Variants in ZFP14 observed in about 807,000 individuals in gnomAD.
ZFP14 encodes zinc finger protein 14 homolog.
A neutral mutation model predicts 54.5 loss-of-function variants in ZFP14; 22 were observed. The observed-to-expected ratio is 0.40, with a 90% CI of 0.29 to 0.58. The LOEUF (loss-of-function observed/expected upper bound fraction) is 0.58. ZFP14 is among the 20% of genes least tolerant of loss of function. ZFP14 has a pLI of 0.39. For synonymous variants in ZFP14, 159 were observed against 204.0 expected (o/e 0.78, Z 1.88); for missense variants, 470 against 637.8 (o/e 0.74, Z 2.83).
At chr19:36,370,749 A>G (rs1160283685) in intron 1 of ZFP14, among the ~76,000 whole-genome samples, 1 of 152,246 alleles carries the variant, frequency 6.6e-6, no homozygotes, top group Non-Finnish European at 1.5e-5. Context: ...CAAACCAGAC[A>G]GGCTGCCCAG....
At chr19:36,347,444 T>C (rs1032790501) in intron 4 of ZFP14, among the ~76,000 whole-genome samples, 9 of 151,478 alleles carry the variant, frequency 5.9e-5, no homozygotes, top group African/African-American at 2.2e-4. Context: ...ACCTCATCTC[T>C]ACAAAAACTA....
Position 36,362,144 on chromosome 19 carries a change from A to G in ZFP14, c.104T>C (p.Met35Thr). The change falls in exon 3 of 5, where the codon ATG (methionine) becomes ACG (threonine). Residue 35 changes from methionine to threonine, a missense_variant. Coordinates refer to ENST00000270001, the MANE Select transcript of ZFP14 (RefSeq NM_020917.3). The part of the protein sequence containing the change: ...PAQRDLYRDV[M>T]WENYSNFISL... ...AATGAAGTTGCTGTAGTTCTCCCAC[A>G]TTACATCCCTATATAAGTCCCTCTG... 1 of 1,609,306 alleles carries G rather than the reference A, an allele frequency of 6.2e-7. No individual in the cohort carries two copies. The highest frequency in any genetic ancestry group is 8.5e-7 in the Non-Finnish European group (1 of 1,177,994).
chr19:36,351,724 T>C (rs1423246521), intron 4 of ZFP14, among the ~76,000 whole-genome samples: 1 of 141,000 alleles, frequency 7.1e-6, no homozygotes, highest in African/African-American at 2.6e-5. Context: ...CCGGGCATGG[T>C]GGTGTGTACC....
At chr19:36,364,093 G>A (rs929332071) in intron 2 of ZFP14, among the ~76,000 whole-genome samples, 4 of 152,004 alleles carry the variant, frequency 2.6e-5, no homozygotes, top group East Asian at 1.9e-4. Flanking sequence ...ATTCTTCTCC[G>A]CAGGAGGAAA....
Position 36,340,920 on chromosome 19 carries a change from A to G in ZFP14, c.906T>C (p.His302=). 6.2e-7 allele frequency: 1 copy of G among 1,613,872 alleles called. No individual in the cohort carries two copies. The change falls in exon 5 of 5, where the codon CAT becomes CAC. Residue 302 remains histidine, a synonymous_variant. Transcript: ENST00000270001. This position sits in a 1 kb window ranked among gnomAD's most constrained non-coding sequence, Gnocchi z 5.4. ...GCTTTTCAGCAGTATGAAGTCTCTG[A>G]TGGCGTGTAAGGTGTGTACACTGTC... The part of the protein sequence containing the change: ...TFRQCTHLTR[H]QRLHTAEKLY...
rs2031281531 is a variant in ZFP14, at chr19:36,340,124, T to C, written c.*100A>G. ...AAATCAACATATTCTTTCTCTAATA[T>C]AAAATTTATTATGCTTGGAATTGAG... On this transcript the variant is annotated 3_prime_UTR_variant, in exon 5 of 5. Coordinates refer to ENST00000270001, the MANE Select transcript of ZFP14 (RefSeq NM_020917.3). This position sits in a 1 kb window ranked among gnomAD's most constrained non-coding sequence, Gnocchi z 5.4. 2.4e-6 allele frequency: 3 copies of C among 1,247,208 alleles called. No homozygotes were observed. The highest frequency in any genetic ancestry group is 3.2e-6 in the Non-Finnish European group (3 of 936,694). The allele number at this position is 1,247,208 out of a possible 1,614,324, so 77.3% of individuals were successfully genotyped here.
Position 36,364,988 on chromosome 19 carries a change from CTTTT to C in ZFP14, c.10-2754_10-2751del. On this transcript the variant is annotated intron_variant, in intron 2 of 4. Coordinates refer to ENST00000270001, the MANE Select transcript of ZFP14 (RefSeq NM_020917.3). ...TCTTTCTTTGCTTTCTTTCCTTTTT[CTTTT>C]TCTTTTTTTTTTTTTTTTTTTTTTT... Among the ~76,000 whole-genome samples the C allele has an allele frequency of 2.0e-5, 2 of 97,842 alleles. 1 individual carries two copies. 64.2% of individuals were successfully genotyped at this position (97,842 alleles called of 152,430 possible).
intron 3 of ZFP14, among the ~76,000 whole-genome samples, chr19:36,361,194 A>C (rs1482217821): frequency 6.6e-6 from 1 of 152,180 alleles, no homozygotes; most frequent in African/African-American, 2.4e-5. Context: ...TTCAATTACA[A>C]AGTAGGTAGA....
At chr19:36,371,449 T>C (rs2031875910) in intron 1 of ZFP14, among the ~76,000 whole-genome samples, 1 of 151,976 alleles carries the variant, frequency 6.6e-6, no homozygotes, top group Non-Finnish European at 1.5e-5. Context: ...ATTTTGAAAA[T>C]GCAAGACAGA....
intron 4 of ZFP14, among the ~76,000 whole-genome samples, chr19:36,353,177 T>C (rs1478663794): frequency 1.4e-5 from 2 of 142,248 alleles, no homozygotes; most frequent in Admixed American, 1.4e-4. Context: ...GTGCAGGCTG[T>C]TGCAGTACAA....
rs978923085 is a variant in ZFP14 at position 36,355,293 on chromosome 19, T to C, written c.235+5142A>G. Among the ~76,000 whole-genome samples the C allele has an allele frequency of 3.5e-5, 5 of 143,002 alleles. 1 individual carries two copies. The highest frequency in any genetic ancestry group is 5.1e-5 in the African/African-American group (2 of 39,006). 93.8% of individuals were successfully genotyped at this position (143,002 alleles called of 152,430 possible). A position where few individuals can be genotyped will look rare whatever the true frequency, so the allele number is the denominator to read the frequency against. On this transcript the variant is annotated intron_variant, in intron 4 of 4. Transcript: ENST00000270001. ...ATTTGAATGTTGAGCCCTAACTAAC[T>C]GTATGTGGAGATGGGGCTTTTAGGA... is the stretch of plus-strand genomic sequence containing the variant.
At chr19:36,375,777 T>C (rs996921552) in intron 1 of ZFP14, among the ~76,000 whole-genome samples, 1 of 152,012 alleles carries the variant, frequency 6.6e-6, no homozygotes, top group Admixed American at 6.6e-5. Context: ...CAGGATGGTC[T>C]CGATCTCCTG....
At position 36,353,499 on chromosome 19, in the gene ZFP14, G is replaced by A. The variant is rs1481775774; in HGVS notation, c.235+6936C>T. Among the ~76,000 whole-genome samples, 31 of 140,418 alleles carry A rather than the reference G, an allele frequency of 2.2e-4. 8 individuals are homozygous for A. The highest frequency in any genetic ancestry group is 1.9e-3 in the Admixed American group (26 of 13,638). The allele number at this position is 140,418 out of a possible 152,430, so 92.1% of individuals were successfully genotyped here. A position where few individuals can be genotyped will look rare whatever the true frequency, so the allele number is the denominator to read the frequency against. The stretch of plus-strand genomic sequence containing the variant: ...GCAGATCACAAGGTCAGGCGTTCGA[G>A]ACCAGCCTGACCAACACACTGAAAC... On this transcript the variant is annotated intron_variant, in intron 4 of 4. Transcript: ENST00000270001.
At chr19:36,371,774 A>G (rs1367207102) in intron 1 of ZFP14, among the ~76,000 whole-genome samples, 1 of 152,098 alleles carries the variant, frequency 6.6e-6, no homozygotes, top group East Asian at 1.9e-4. Flanking sequence ...TGGGCAACAT[A>G]GCGAGACTCA....
intron 4 of ZFP14, among the ~76,000 whole-genome samples, chr19:36,349,299 C>A (rs1317246233): frequency 2.6e-5 from 3 of 117,646 alleles, no homozygotes; most frequent in South Asian, 3.1e-4. Flanking sequence ...TCCTCTAGAA[C>A]TAAAAAATAT....
intron 4 of ZFP14, among the ~76,000 whole-genome samples, chr19:36,348,972 A>G (rs1255474084): frequency 1.3e-5 from 2 of 152,102 alleles, no homozygotes; most frequent in Admixed American, 1.3e-4. Flanking sequence ...TCACACCTGT[A>G]ATCCCAGCAC....
intron 2 of ZFP14, among the ~76,000 whole-genome samples, chr19:36,363,263 G>C (rs1195639395): frequency 7.1e-6 from 1 of 140,774 alleles, no homozygotes. Flanking sequence ...GCGTGATCTC[G>C]GCTCATTGCA....
chr19:36,377,891 G>C (rs1360381966), intron 1 of ZFP14: 1 of 152,224 alleles, frequency 6.6e-6, no homozygotes, highest in Non-Finnish European at 1.5e-5. Flanking sequence ...ACTGGAAAGG[G>C]GTAGGAATTG....
At chr19:36,363,616 T>C (rs964979769) in intron 2 of ZFP14, among the ~76,000 whole-genome samples, 2 of 152,098 alleles carry the variant, frequency 1.3e-5, no homozygotes, top group Non-Finnish European at 2.9e-5. Flanking sequence ...AGGCATCTAA[T>C]GGGTAGAGGC....
Sources: gnomAD v4.1 joint callset for allele counts (sites outside exome capture counted in the v4.1 genomes callset) on GRCh38, gnomAD v4.1.1 for gene constraint, Gnocchi (gnomAD v3.1) non-coding constraint, MANE v1.5 for transcripts, NCBI Gene and HGNC (gene_info 2026-07-23, HGNC 2026-07-21) for gene names.